The following MLIP variants were observed in gnomAD, a reference collection of about 807,000 sequenced individuals.
The protein encoded by MLIP is muscular LMNA-interacting protein.
Under a neutral mutation model 84.8 loss-of-function variants are expected in MLIP, and 79 were observed. The observed-to-expected ratio is 0.93, with a 90% CI of 0.78 to 1.12. MLIP has a LOEUF of 1.12. MLIP is among the 50% of genes most tolerant of loss of function. The pLI, the probability that MLIP is intolerant of heterozygous loss-of-function variation, is 0.00. For synonymous variants in MLIP, 504 were observed against 463.0 expected, an observed-to-expected ratio of 1.09 and a Z score of -1.14; for missense variants, 1,257 against 1,160.6, an observed-to-expected ratio of 1.08 and a Z score of -1.21.
intron 13 of MLIP, among the ~76,000 whole-genome samples, chr6:54,262,484 G>A (rs1282979921): frequency 6.6e-6 from 1 of 151,972 alleles, no homozygotes; most frequent in Admixed American, 6.6e-5. Context: ...CTGGAATTTG[G>A]GATGACAATC....
chr6:54,035,539 G>T (rs997612887), intron 1 of MLIP, among the ~76,000 whole-genome samples: 1 of 152,110 alleles, frequency 6.6e-6, no homozygotes, highest in Non-Finnish European at 1.5e-5. Flanking sequence ...AAAGGGAATT[G>T]TCAAATTATT....
chr6:54,193,072 A>G lies in MLIP; in HGVS notation c.2589+3158A>G, dbSNP rs1379314688. ...CAGAATTGAAAAGGAAAGAAGAAATAGAGCCATGACCCTTACTCTTAAAAT... is the reference window on the plus strand; with the variant it reads ...CAGAATTGAAAAGGAAAGAAGAAATGGAGCCATGACCCTTACTCTTAAAAT... On this transcript the variant is annotated intron_variant, in intron 10 of 13. Transcript: ENST00000502396. Among the ~76,000 whole-genome samples the G allele has an allele frequency of 2.6e-5, 4 of 152,332 alleles. No individual in the cohort carries two copies. In the East Asian group the frequency reaches 7.7e-4, roughly 29 times the overall value.
intron 11 of MLIP, among the ~76,000 whole-genome samples, chr6:54,209,528 C>A (rs1779270144): frequency 6.6e-6 from 1 of 152,106 alleles, no homozygotes; most frequent in Non-Finnish European, 1.5e-5. Context: ...TCAAAGACTT[C>A]ATGGAAAGGG....
intron 1 of MLIP, among the ~76,000 whole-genome samples, chr6:54,075,672 T>C (rs1387675448): frequency 1.3e-5 from 2 of 152,252 alleles, no homozygotes; most frequent in African/African-American, 2.4e-5. Flanking sequence ...CTAACATTTC[T>C]ATGGGTCTAT....
At chr6:54,228,217 GAA>G (rs1780736475) in intron 11 of MLIP, among the ~76,000 whole-genome samples, 1 of 83,004 alleles carries the variant, frequency 1.2e-5, no homozygotes, top group African/African-American at 4.8e-5. Context: ...AAAAAAAAGA[GAA>G]AGAAAAAAGA....
intron 11 of MLIP, 79 bp downstream of exon 11, chr6:54,202,312 AT>A: frequency 1.4e-6 from 1 of 737,646 alleles, no homozygotes; most frequent in Non-Finnish European, 1.8e-6. Context: ...ATATAAATAT[AT>A]TTTGATAAAT....
At chr6:54,227,914 T>G (rs1780691231) in intron 11 of MLIP, among the ~76,000 whole-genome samples, 1 of 152,110 alleles carries the variant, frequency 6.6e-6, no homozygotes, top group East Asian at 1.9e-4. Flanking sequence ...CCGGGCGCAG[T>G]GGCTCACGCC....
intron 11 of MLIP, among the ~76,000 whole-genome samples, chr6:54,225,349 A>G (rs995325100): frequency 2.0e-5 from 3 of 152,194 alleles, no homozygotes; most frequent in Admixed American, 6.5e-5. Context: ...ACTGTAGGCA[A>G]CTGTCACACA....
chr6:54,204,491 T>A (rs1778908643), intron 11 of MLIP, among the ~76,000 whole-genome samples: 1 of 152,192 alleles, frequency 6.6e-6, no homozygotes, highest in Non-Finnish European at 1.5e-5. Flanking sequence ...TCACATATTA[T>A]CCATGGAACC....
chr6:54,174,748 A>G (rs1055037755), intron 9 of MLIP, among the ~76,000 whole-genome samples: 6 of 151,624 alleles, frequency 4.0e-5, no homozygotes, highest in African/African-American at 1.5e-4. Context: ...GCTTTTTAAC[A>G]TGATGTGATC....
chr6:54,060,243 A>C, intron 1 of MLIP, among the ~76,000 whole-genome samples: 1 of 152,228 alleles, frequency 6.6e-6, no homozygotes, highest in South Asian at 2.1e-4. Flanking sequence ...ATATGATGTT[A>C]AATATATGGC....
At chr6:54,166,408 A>G (rs750742024) in intron 8 of MLIP, among the ~76,000 whole-genome samples, 62 of 151,602 alleles carry the variant, frequency 4.1e-4, no homozygotes, top group Non-Finnish European at 6.9e-4. Flanking sequence ...TTTTTATGTC[A>G]CCAAAACCCC....
intron 1 of MLIP, chr6:54,083,307 G>A (rs532476718): frequency 6.1e-6 from 3 of 490,958 alleles, no homozygotes; most frequent in South Asian, 1.0e-4. Flanking sequence ...CAGGCAAAGA[G>A]TTTCTCTTAG....
At chr6:54,060,237 G>C (rs1161339616) in intron 1 of MLIP, among the ~76,000 whole-genome samples, 6 of 152,172 alleles carry the variant, frequency 3.9e-5, no homozygotes, top group Non-Finnish European at 7.4e-5. Flanking sequence ...AATATTATAT[G>C]ATGTTAAATA....
At chr6:54,019,828 A>C (rs1763398426) in intron 1 of MLIP, among the ~76,000 whole-genome samples, 1 of 152,190 alleles carries the variant, frequency 6.6e-6, no homozygotes, top group Non-Finnish European at 1.5e-5. Context: ...ATGGGAATAC[A>C]TTGTTCTAGA....
intron 1 of MLIP, among the ~76,000 whole-genome samples, chr6:54,022,901 C>T (rs1199786072): frequency 5.3e-5 from 8 of 152,094 alleles, no homozygotes; most frequent in Non-Finnish European, 1.2e-4. Flanking sequence ...GGCGCGGTGG[C>T]TCATGCCTGT....
chr6:54,190,059 A>G, intron 10 of MLIP, 145 bp downstream of exon 10: 3 of 620,272 alleles, frequency 4.8e-6, no homozygotes, highest in Non-Finnish European at 8.1e-6. Flanking sequence ...GATATTTTCC[A>G]AAAGCTCCAT....
chr6:54,132,732 T>A (rs1297115239), intron 3 of MLIP, among the ~76,000 whole-genome samples: 1 of 152,132 alleles, frequency 6.6e-6, no homozygotes, highest in Non-Finnish European at 1.5e-5. Flanking sequence ...ACTATAGACA[T>A]TGAACTTGTG....
chr6:54,043,195 G>A (rs1480549914), intron 1 of MLIP, among the ~76,000 whole-genome samples: 1 of 152,198 alleles, frequency 6.6e-6, no homozygotes, highest in African/African-American at 2.4e-5. Context: ...CAAAGAACTT[G>A]GGTATAGCCT....
Sources: gnomAD v4.1 joint callset for allele counts (sites outside exome capture counted in the v4.1 genomes callset) on GRCh38, gnomAD v4.1.1 for gene constraint, MANE v1.5 for transcripts, NCBI Gene and HGNC (gene_info 2026-07-23, HGNC 2026-07-21) for gene names.